Variants in BICC1 observed in about 807,000 individuals in gnomAD.
BICC1 encodes BicC family RNA binding protein 1.
A neutral mutation model predicts 111.0 loss-of-function variants in BICC1; 43 were observed. The observed-to-expected ratio is 0.39, with a 90% confidence interval of 0.30 to 0.50. BICC1 has a LOEUF of 0.50. BICC1 is among the 20% of genes least tolerant of loss of function. BICC1 has a pLI of 0.88. For synonymous variants in BICC1, 467 were observed against 434.4 expected, an observed-to-expected ratio of 1.07 and a Z score of -0.93; for missense variants, 1,091 against 1,203.2, an observed-to-expected ratio of 0.91 and a Z score of 1.38.
chr10:58,758,131 A>G (rs1589108931), intron 3 of BICC1, among the ~76,000 whole-genome samples: 1 of 152,314 alleles, frequency 6.6e-6, no homozygotes, highest in East Asian at 1.9e-4. Context: ...TGTGAGCCAA[A>G]CCTAGGTCAG....
chr10:58,657,294 A>G (rs1309080041), intron 2 of BICC1, among the ~76,000 whole-genome samples: 1 of 152,128 alleles, frequency 6.6e-6, no homozygotes, highest in Non-Finnish European at 1.5e-5. Flanking sequence ...CTTCTCACTC[A>G]TTGGCGTTTT....
At chr10:58,752,987 CT>C (rs1842032471) in intron 3 of BICC1, among the ~76,000 whole-genome samples, 1 of 152,194 alleles carries the variant, frequency 6.6e-6, no homozygotes, top group South Asian at 2.1e-4. Context: ...GTGGTCACAA[CT>C]TTGTAGCTGC....
chr10:58,582,174 G>T (rs10763558), intron 1 of BICC1, among the ~76,000 whole-genome samples: 76,907 of 151,842 alleles, frequency 0.51, 19,758 homozygotes, highest in Admixed American at 0.64. Flanking sequence ...ATTTCTGTTG[G>T]TTTTAGTGGA....
intron 1 of BICC1, among the ~76,000 whole-genome samples, chr10:58,572,157 G>T (rs1843974276): frequency 6.6e-6 from 1 of 152,008 alleles, no homozygotes; most frequent in South Asian, 2.1e-4. Context: ...CATGTCCTTT[G>T]CCCACTTTTA....
intron 14 of BICC1, among the ~76,000 whole-genome samples, chr10:58,801,623 C>T (rs1843552295): frequency 6.6e-6 from 1 of 151,232 alleles, no homozygotes. Flanking sequence ...GTATTTTGGA[C>T]AGTCTCTACA....
At chr10:58,532,865 G>T (rs571369501) in intron 1 of BICC1, among the ~76,000 whole-genome samples, 1 of 151,928 alleles carries the variant, frequency 6.6e-6, no homozygotes, top group South Asian at 2.1e-4. Context: ...TTTCTCGAAA[G>T]AATTGTAACA....
At chr10:58,640,136 G>A (rs1034527497) in intron 2 of BICC1, among the ~76,000 whole-genome samples, 5 of 152,086 alleles carry the variant, frequency 3.3e-5, no homozygotes, top group African/African-American at 1.2e-4. Context: ...GTACTGATCA[G>A]TAAATTAAGC....
At chr10:58,573,451 G>T (rs1844020427) in intron 1 of BICC1, among the ~76,000 whole-genome samples, 1 of 152,104 alleles carries the variant, frequency 6.6e-6, no homozygotes, top group Admixed American at 6.6e-5. Flanking sequence ...TATTTCTCAG[G>T]CCCAGATGGT....
chr10:58,652,640 C>T (rs1342526943), intron 2 of BICC1, among the ~76,000 whole-genome samples: 2 of 151,946 alleles, frequency 1.3e-5, no homozygotes, highest in Non-Finnish European at 2.9e-5. Context: ...GTCTTGTTGC[C>T]TTACCTTGGA....
intron 2 of BICC1, among the ~76,000 whole-genome samples, chr10:58,632,821 G>T (rs1215514357): frequency 6.6e-6 from 1 of 151,782 alleles, no homozygotes; most frequent in Non-Finnish European, 1.5e-5. Flanking sequence ...ATATAGCCCA[G>T]AAAACAGATT....
chr10:58,547,051 G>A (rs1286380894), intron 1 of BICC1, among the ~76,000 whole-genome samples: 1 of 152,162 alleles, frequency 6.6e-6, no homozygotes, highest in Non-Finnish European at 1.5e-5. Context: ...ATAAAGTTAT[G>A]AATATAGTAC....
chr10:58,743,400 A>G (rs1042892522), intron 3 of BICC1, among the ~76,000 whole-genome samples: 1 of 151,878 alleles, frequency 6.6e-6, no homozygotes, highest in African/African-American at 2.4e-5. Context: ...CATGCATCCA[A>G]CAAAATGGGA....
At position 58,753,538 on chromosome 10, in the gene BICC1, A is replaced by G. The variant is rs144601143; in HGVS notation, c.308-31463A>G. Among the ~76,000 whole-genome samples, 146 of 152,166 alleles carry G rather than the reference A, an allele frequency of 9.6e-4. 1 individual carries two copies. Among genetic ancestry groups the G allele is most frequent in the African/African-American group, 3.2e-3 (131 of 41,518 alleles). On this transcript the variant is annotated intron_variant, in intron 3 of 20. Coordinates refer to ENST00000373886, the MANE Select transcript of BICC1 (RefSeq NM_001080512.3). Reference sequence around the variant, plus strand: ...TTTTGTATATGATGAGAGGGATCCAATTTTTTTCCACAAGATGAGTCAGTT... The same window carrying G: ...TTTTGTATATGATGAGAGGGATCCAGTTTTTTTCCACAAGATGAGTCAGTT...
chr10:58,772,464 A>C (rs1290553021), intron 3 of BICC1, among the ~76,000 whole-genome samples: 1 of 152,184 alleles, frequency 6.6e-6, no homozygotes, highest in Non-Finnish European at 1.5e-5. Context: ...ATAATTGCTG[A>C]CATTATATTA....
intron 15 of BICC1, 82 bp from the exon 16 acceptor site, chr10:58,806,502 A>T (rs536209368): frequency 7.8e-7 from 1 of 1,287,188 alleles, no homozygotes; most frequent in East Asian, 2.3e-5. Context: ...AACACAGTCA[A>T]AACCTTTGTT....
At chr10:58,579,047 G>C (rs1335476803) in intron 1 of BICC1, among the ~76,000 whole-genome samples, 3 of 152,148 alleles carry the variant, frequency 2.0e-5, no homozygotes, top group African/African-American at 4.8e-5. Context: ...TAATGTTTCA[G>C]ACTTGTGCCC....
chr10:58,830,163 T>TATC lies in BICC1; in HGVS notation c.*1273_*1275dup, dbSNP rs2133012977. The TATC allele has an allele frequency of 6.6e-6, 1 of 152,102 alleles. No individual in the cohort carries two copies. The highest frequency in any genetic ancestry group is 1.9e-4 in the East Asian group (1 of 5,168). The allele number at this position is 152,102 out of a possible 1,614,324, so 9.4% of individuals were successfully genotyped here. A position where few individuals can be genotyped will look rare whatever the true frequency, so the allele number is the denominator to read the frequency against. On this transcript the variant is annotated 3_prime_UTR_variant, in exon 21 of 21. Transcript: ENST00000373886. ...TAAGTTCTGAAGGAAAAAAAAAATA[T>TATC]ATCTTTTTAAGTGGCTAGAGTCATT...
In BICC1 at chr10:58,595,184, A is replaced by C. The variant is rs1162538497; in HGVS notation, c.191-25671A>C. Among the ~76,000 whole-genome samples, 9 of 152,262 alleles carry C rather than the reference A, an allele frequency of 5.9e-5. No homozygotes were observed. In the South Asian group the frequency reaches 1.9e-3, roughly 31 times the overall value. ...AGCTAACTATCCTAAATATATGTGC[A>C]TCCAACACAGGAATACCCAGATTCA... On this transcript the variant is annotated intron_variant, in intron 1 of 20. Coordinates refer to ENST00000373886, the MANE Select transcript of BICC1 (RefSeq NM_001080512.3).
intron 1 of BICC1, among the ~76,000 whole-genome samples, chr10:58,531,698 A>G (rs1010567419): frequency 1.3e-5 from 2 of 151,882 alleles, no homozygotes; most frequent in East Asian, 1.9e-4. Context: ...GAGAATATCA[A>G]TTAAGAGATG....
Sources: gnomAD v4.1 joint callset for allele counts (sites outside exome capture counted in the v4.1 genomes callset) on GRCh38, gnomAD v4.1.1 for gene constraint, MANE v1.5 for transcripts, NCBI Gene and HGNC (gene_info 2026-07-23, HGNC 2026-07-21) for gene names.